The following CADM1 variants were observed in gnomAD, a reference collection of about 807,000 sequenced individuals.
CADM1 encodes the protein cell adhesion molecule 1.
In CADM1, 15 loss-of-function variants were observed where a neutral mutation model predicts 53.1. That is an observed-to-expected ratio of 0.28 (90% CI 0.19 to 0.44). The LOEUF is 0.44. Among genes scored for constraint, CADM1 ranks in the 20% least tolerant of loss-of-function variants. CADM1 has a pLI of 1.00. For missense variants in CADM1, 434 were observed against 611.3 expected, an observed-to-expected ratio of 0.71 and a Z score of 3.06; for synonymous variants, 281 against 243.0, an observed-to-expected ratio of 1.16 and a Z score of -1.45.
intron 1 of CADM1, among the ~76,000 whole-genome samples, chr11:115,277,679 T>C (rs996678874): frequency 6.6e-6 from 1 of 152,204 alleles, no homozygotes. Context: ...CTGCCTTTTG[T>C]AATATTTTTA....
intron 1 of CADM1, among the ~76,000 whole-genome samples, chr11:115,247,946 A>G (rs1237314534): frequency 6.6e-6 from 1 of 152,220 alleles, no homozygotes; most frequent in Non-Finnish European, 1.5e-5. Flanking sequence ...GAAAAAAGTT[A>G]TTGGAAAGAA....
At chr11:115,296,300 T>C (rs982769978) in intron 1 of CADM1, among the ~76,000 whole-genome samples, 1 of 152,168 alleles carries the variant, frequency 6.6e-6, no homozygotes, top group Non-Finnish European at 1.5e-5. Context: ...CTCCCTCCAC[T>C]GGAGTAGTGC....
chr11:115,267,345 T>C (rs1229883083), intron 1 of CADM1, among the ~76,000 whole-genome samples: 2 of 152,230 alleles, frequency 1.3e-5, no homozygotes, highest in Non-Finnish European at 2.9e-5. Context: ...TGCTAATGTA[T>C]TTCAGGTGCT....
chr11:115,325,870 T>C (rs1266920436), intron 1 of CADM1, among the ~76,000 whole-genome samples: 1 of 152,206 alleles, frequency 6.6e-6, no homozygotes, highest in African/African-American at 2.4e-5. Context: ...TCATTACACA[T>C]GGACCTTAAA....
At chr11:115,318,686 A>C (rs1944740379) in intron 1 of CADM1, among the ~76,000 whole-genome samples, 1 of 152,182 alleles carries the variant, frequency 6.6e-6, no homozygotes. Context: ...CGGGAATGGA[A>C]ATGGAGGGAC....
chr11:115,231,967 C>A (rs1827440973), intron 3 of CADM1, among the ~76,000 whole-genome samples: 1 of 151,376 alleles, frequency 6.6e-6, no homozygotes, highest in Admixed American at 6.6e-5. Flanking sequence ...GCCTGGGCAA[C>A]AAGAGCGAAA....
chr11:115,485,877 C>T (rs1949362739), intron 1 of CADM1, among the ~76,000 whole-genome samples: 1 of 152,216 alleles, frequency 6.6e-6, no homozygotes. Context: ...TTTCAAACTG[C>T]TTTCTAAACA....
intron 1 of CADM1, among the ~76,000 whole-genome samples, chr11:115,354,854 T>C (rs955230784): frequency 9.2e-5 from 14 of 152,192 alleles, no homozygotes; most frequent in African/African-American, 3.1e-4. Flanking sequence ...AACAAATTAG[T>C]AATAATTAAC....
intron 1 of CADM1, among the ~76,000 whole-genome samples, chr11:115,405,204 C>T (rs772485606): frequency 2.6e-5 from 4 of 152,152 alleles, no homozygotes; most frequent in African/African-American, 7.2e-5. Context: ...CTTCCTACCT[C>T]GGCTTCCTAA....
At chr11:115,228,458 G>A (rs1430142115) in intron 5 of CADM1, among the ~76,000 whole-genome samples, 1 of 152,176 alleles carries the variant, frequency 6.6e-6, no homozygotes, top group East Asian at 1.9e-4. Flanking sequence ...AATACAAAGT[G>A]AGAAGCTGGC....
At chr11:115,464,372 G>A (rs1339954398) in intron 1 of CADM1, among the ~76,000 whole-genome samples, 1 of 152,156 alleles carries the variant, frequency 6.6e-6, no homozygotes, top group Non-Finnish European at 1.5e-5. Flanking sequence ...TTAAATTAAA[G>A]CGCATAATAG....
chr11:115,202,535 T>C (rs930494435), intron 8 of CADM1, among the ~76,000 whole-genome samples: 1 of 152,164 alleles, frequency 6.6e-6, no homozygotes, highest in Non-Finnish European at 1.5e-5. Flanking sequence ...ATTAAAAAAA[T>C]GCACGGTGTG....
chr11:115,452,289 A>G (rs1483945815), intron 1 of CADM1, among the ~76,000 whole-genome samples: 1 of 152,174 alleles, frequency 6.6e-6, no homozygotes, highest in African/African-American at 2.4e-5. Context: ...TATGTGAACC[A>G]GACTTTTGTT....
At chr11:115,411,927 G>C (rs1333771678) in intron 1 of CADM1, among the ~76,000 whole-genome samples, 1 of 152,114 alleles carries the variant, frequency 6.6e-6, no homozygotes, top group Non-Finnish European at 1.5e-5. Flanking sequence ...TAATTGCCTG[G>C]TTTTTATGAA....
intron 1 of CADM1, among the ~76,000 whole-genome samples, chr11:115,288,271 G>A (rs1446158165): frequency 6.6e-6 from 1 of 152,126 alleles, no homozygotes; most frequent in Non-Finnish European, 1.5e-5. Context: ...AATTCTAGCA[G>A]GACCTCACAC....
intron 1 of CADM1, among the ~76,000 whole-genome samples, chr11:115,430,881 A>G (rs2135295128): frequency 6.6e-6 from 1 of 152,312 alleles, no homozygotes; most frequent in Admixed American, 6.5e-5. Context: ...ATATGAGAAA[A>G]ATCACTTAAA....
chr11:115,487,161 T>C (rs1263190030), intron 1 of CADM1, among the ~76,000 whole-genome samples: 1 of 152,242 alleles, frequency 6.6e-6, no homozygotes, highest in Non-Finnish European at 1.5e-5. Context: ...TTAAACCATT[T>C]TTTAAAAAAG....
chr11:115,221,484 ACTTT>A (rs1050633183), intron 5 of CADM1, among the ~76,000 whole-genome samples: 2 of 152,198 alleles, frequency 1.3e-5, no homozygotes, highest in South Asian at 2.1e-4. Context: ...ATTTGATGAG[ACTTT>A]CTTTAAATGT....
At chr11:115,251,518 T>G (rs944951291) in intron 1 of CADM1, among the ~76,000 whole-genome samples, 29 of 151,458 alleles carry the variant, frequency 1.9e-4, no homozygotes, top group African/African-American at 6.3e-4. Context: ...GTGTGTAATA[T>G]GGTTTGTTCA....
Sources: gnomAD v4.1 joint callset for allele counts (sites outside exome capture counted in the v4.1 genomes callset) on GRCh38, gnomAD v4.1.1 for gene constraint, MANE v1.5 for transcripts, NCBI Gene and HGNC (gene_info 2026-07-23, HGNC 2026-07-21) for gene names.